MAPK10: variants seen among roughly 807,000 people sequenced by gnomAD.
MAPK10 encodes the protein mitogen-activated protein kinase 10.
In MAPK10, 25 loss-of-function variants were observed where a neutral mutation model predicts 59.3. The ratio of observed to expected loss-of-function variants is 0.42; its 90% confidence interval spans 0.31 to 0.59. MAPK10 has a LOEUF of 0.59. MAPK10 is among the 20% of genes least tolerant of loss of function. The pLI is 0.15. For synonymous variants in MAPK10, 190 were observed against 200.5 expected (o/e 0.95, Z 0.44); for missense variants, 351 against 568.9 (o/e 0.62, Z 3.90).
intron 2 of MAPK10, among the ~76,000 whole-genome samples, chr4:86,282,557 T>C (rs533444928): frequency 2.0e-5 from 3 of 152,160 alleles, no homozygotes; most frequent in Non-Finnish European, 2.9e-5. Context: ...AAAGGAAACT[T>C]GTAAAGGTAA....
chr4:86,556,400 G>T (rs1435891922), intron 1 of MAPK10, among the ~76,000 whole-genome samples: 1 of 151,894 alleles, frequency 6.6e-6, no homozygotes, highest in Non-Finnish European at 1.5e-5. Context: ...CAAAATTCTA[G>T]ATATCATAAT....
chr4:86,363,527 G>A (rs1050357272), upstream of MAPK10, among the ~76,000 whole-genome samples: 1 of 151,852 alleles, frequency 6.6e-6, no homozygotes, highest in African/African-American at 2.4e-5. Flanking sequence ...ATTTTTATTG[G>A]CAGTTATAAT....
At chr4:86,267,967 A>G (rs1248404107) in intron 2 of MAPK10, among the ~76,000 whole-genome samples, 2 of 152,076 alleles carry the variant, frequency 1.3e-5, no homozygotes, top group Admixed American at 6.6e-5. Flanking sequence ...AAGTCTCTCT[A>G]TTTTCTTTTT....
intron 2 of MAPK10, among the ~76,000 whole-genome samples, chr4:86,256,210 C>T (rs962048074): frequency 1.3e-5 from 2 of 152,192 alleles, no homozygotes; most frequent in Non-Finnish European, 2.9e-5. Flanking sequence ...ATCAACCAAT[C>T]TCATACTTGG....
intron 2 of MAPK10, among the ~76,000 whole-genome samples, chr4:86,223,921 T>A (rs1182991383): frequency 6.6e-6 from 1 of 152,186 alleles, no homozygotes; most frequent in Non-Finnish European, 1.5e-5. Flanking sequence ...AATGTGCCTT[T>A]CATACCCTCT....
chr4:86,173,042 C>G (rs2149264250), intron 3 of MAPK10, among the ~76,000 whole-genome samples: 2 of 151,942 alleles, frequency 1.3e-5, no homozygotes, highest in East Asian at 3.9e-4. Flanking sequence ...GCCATACTGC[C>G]CAAAGTAATT....
intron 1 of MAPK10, among the ~76,000 whole-genome samples, chr4:86,477,910 A>G (rs1753248323): frequency 6.6e-6 from 1 of 152,018 alleles, no homozygotes; most frequent in African/African-American, 2.4e-5. Flanking sequence ...TGACCCTGAC[A>G]CCCATCAGGC....
At chr4:86,135,353 T>C (rs2061797306) in intron 4 of MAPK10, among the ~76,000 whole-genome samples, 1 of 152,204 alleles carries the variant, frequency 6.6e-6, no homozygotes, top group East Asian at 1.9e-4. Context: ...AGGGGCAGAC[T>C]GCCTCCTCAA....
intron 1 of MAPK10, among the ~76,000 whole-genome samples, chr4:86,366,098 T>C (rs1467479094): frequency 6.6e-6 from 1 of 152,112 alleles, no homozygotes; most frequent in East Asian, 1.9e-4. Flanking sequence ...CATGCAACAA[T>C]ACAGATGAAT....
chr4:86,036,112 G>T (rs1352583854), intron 11 of MAPK10, among the ~76,000 whole-genome samples: 1 of 152,160 alleles, frequency 6.6e-6, no homozygotes. Flanking sequence ...TTCACAAAAA[G>T]CTAGTAATTG....
chr4:86,567,155 A>T (rs1761112281), intron 1 of MAPK10, among the ~76,000 whole-genome samples: 1 of 152,216 alleles, frequency 6.6e-6, no homozygotes, highest in Admixed American at 6.5e-5. Context: ...TGTATACTGT[A>T]CATAAAAATC....
chr4:86,206,280 G>C (rs2083931278), intron 2 of MAPK10, among the ~76,000 whole-genome samples: 1 of 151,518 alleles, frequency 6.6e-6, no homozygotes, highest in Non-Finnish European at 1.5e-5. Context: ...CCACCTATGA[G>C]TGAGAATATG....
At chr4:86,101,861 T>G in intron 7 of MAPK10, 33 bp downstream of exon 7, 1 of 1,611,212 alleles carries the variant, frequency 6.2e-7, no homozygotes, top group Non-Finnish European at 8.5e-7. Flanking sequence ...TCTTAAAGCA[T>G]TTGAATTGTA....
intron 1 of MAPK10, among the ~76,000 whole-genome samples, chr4:86,501,680 GCACACACA>G (rs144986675): frequency 2.0e-5 from 3 of 146,930 alleles, no homozygotes; most frequent in East Asian, 4.0e-4. Context: ...GTGTGTGCAT[GCACACACA>G]CACACACACA....
chr4:86,303,687 G>A (rs945739662), intron 2 of MAPK10, among the ~76,000 whole-genome samples: 2 of 152,114 alleles, frequency 1.3e-5, no homozygotes, highest in Non-Finnish European at 2.9e-5. Flanking sequence ...GAAAAGGCAT[G>A]TACTAAAAAA....
At chr4:86,321,378 A>G (rs1330261386) in intron 2 of MAPK10, among the ~76,000 whole-genome samples, 2 of 151,990 alleles carry the variant, frequency 1.3e-5, no homozygotes, top group East Asian at 1.9e-4. Context: ...AATGTGGCAC[A>G]TATACACCAT....
chr4:86,433,956 C>T (rs988339912), intron 1 of MAPK10, among the ~76,000 whole-genome samples: 8 of 152,210 alleles, frequency 5.3e-5, no homozygotes, highest in African/African-American at 1.9e-4. Context: ...TGGAGAAAAG[C>T]GTTTTTTCCA....
At chr4:86,123,626 T>G (rs886185913) in intron 4 of MAPK10, 1 of 152,044 alleles carries the variant, frequency 6.6e-6, no homozygotes, top group Admixed American at 6.6e-5. Context: ...CAGGAAGACA[T>G]AAGAGATTGG....
At chr4:86,097,166 G>A (rs902124271) in intron 9 of MAPK10, among the ~76,000 whole-genome samples, 2 of 151,802 alleles carry the variant, frequency 1.3e-5, no homozygotes, top group Non-Finnish European at 2.9e-5. Context: ...AATCTGGTAT[G>A]CATTTTACAC....
Sources: gnomAD v4.1 joint callset for allele counts (sites outside exome capture counted in the v4.1 genomes callset) on GRCh38, gnomAD v4.1.1 for gene constraint, MANE v1.5 for transcripts, NCBI Gene and HGNC (gene_info 2026-07-23, HGNC 2026-07-21) for gene names.